The following PIK3CB variants were observed in gnomAD, a reference collection of about 807,000 sequenced individuals.
The protein encoded by PIK3CB is phosphatidylinositol-4,5-bisphosphate 3-kinase catalytic subunit beta.
Under a neutral mutation model 136.8 loss-of-function variants are expected in PIK3CB, and 39 were observed. The ratio of observed to expected loss-of-function variants is 0.29; its 90% confidence interval spans 0.22 to 0.37. The LOEUF is 0.37. Among genes scored for constraint, PIK3CB ranks in the 10% least tolerant of loss-of-function variants. The pLI is 1.00. For missense variants in PIK3CB, 868 were observed against 1,275.4 expected, an observed-to-expected ratio of 0.68 and a Z score of 4.87; for synonymous variants, 428 against 436.6, an observed-to-expected ratio of 0.98 and a Z score of 0.25.
rs1391845209 is a variant in PIK3CB at position 138,682,057 on chromosome 3, C to G, written c.2426-12G>C. The stretch of plus-strand genomic sequence containing the variant: ...ATCCTGTCGTAAATCTAAGGGAAAA[C>G]AAACTGCTTCATTACAAGTGCTTTT... On this transcript the variant is annotated splice_polypyrimidine_tract_variant and intron_variant, in intron 18 of 23. Coordinates refer to ENST00000674063, the MANE Select transcript of PIK3CB (RefSeq NM_006219.3). The G allele has an allele frequency of 6.4e-7, 1 of 1,564,458 alleles. No homozygotes were observed. Among genetic ancestry groups the G allele is most frequent in the African/African-American group, 1.4e-5 (1 of 73,562 alleles).
intron 1 of PIK3CB, among the ~76,000 whole-genome samples, chr3:138,834,311 T>A (rs1934173010): frequency 6.6e-6 from 1 of 152,374 alleles, no homozygotes; most frequent in African/African-American, 2.4e-5. Context: ...AAAAGGCACC[T>A]GAGGGTCGGG....
At chr3:138,828,487 ATTAG>A (rs895015907) in intron 1 of PIK3CB, among the ~76,000 whole-genome samples, 3 of 152,008 alleles carry the variant, frequency 2.0e-5, no homozygotes, top group East Asian at 1.9e-4. Flanking sequence ...GCCCAGCCCC[ATTAG>A]TTAAATTTTC....
intron 6 of PIK3CB, among the ~76,000 whole-genome samples, chr3:138,736,751 TAA>T (rs1214023271): frequency 7.9e-5 from 12 of 152,054 alleles, no homozygotes; most frequent in Non-Finnish European, 1.8e-4. Flanking sequence ...TAAATGAAAA[TAA>T]ATAAATACCC....
intron 17 of PIK3CB, among the ~76,000 whole-genome samples, chr3:138,684,365 A>G (rs1301375859): frequency 6.6e-6 from 1 of 152,238 alleles, no homozygotes; most frequent in Non-Finnish European, 1.5e-5. Flanking sequence ...AAAAATCAGT[A>G]ATATAGAAAA....
intron 2 of PIK3CB, among the ~76,000 whole-genome samples, chr3:138,762,599 T>C (rs1008488458): frequency 1.1e-4 from 17 of 152,204 alleles, no homozygotes; most frequent in East Asian, 9.6e-4. Flanking sequence ...CTTCTCAATC[T>C]TGCAAGTAAT....
At chr3:138,694,976 AG>A (rs1322301808) in intron 13 of PIK3CB, 69 bp from the exon 14 acceptor site, 37 of 1,466,740 alleles carry the variant, frequency 2.5e-5, no homozygotes, top group Non-Finnish European at 3.3e-5. Context: ...CTTGACACAC[AG>A]GAGCACCAAG....
intron 1 of PIK3CB, among the ~76,000 whole-genome samples, chr3:138,800,260 A>ATTC (rs2046157294): frequency 6.6e-6 from 1 of 152,088 alleles, no homozygotes; most frequent in Non-Finnish European, 1.5e-5. Flanking sequence ...AATACTCACA[A>ATTC]TTCTCATTTA....
At chr3:138,732,022 A>G (rs907509411) in intron 8 of PIK3CB, among the ~76,000 whole-genome samples, 3 of 152,092 alleles carry the variant, frequency 2.0e-5, no homozygotes, top group African/African-American at 7.2e-5. Flanking sequence ...ATATAAAAGC[A>G]AAGCCTTTAT....
intron 11 of PIK3CB, among the ~76,000 whole-genome samples, chr3:138,705,197 A>AAAAAAAAAAAAT (rs1313585582): frequency 7.0e-6 from 1 of 142,190 alleles, no homozygotes. Context: ...AAACAAAAAA[A>AAAAAAAAAAAAT]AAAACTTATA....
chr3:138,801,366 A>G (rs966055331), intron 1 of PIK3CB, among the ~76,000 whole-genome samples: 2 of 152,128 alleles, frequency 1.3e-5, no homozygotes, highest in East Asian at 3.9e-4. Context: ...CGCCATTATC[A>G]ATGCATTAAA....
intron 2 of PIK3CB, among the ~76,000 whole-genome samples, chr3:138,766,675 T>A (rs1452362479): frequency 6.6e-6 from 1 of 152,204 alleles, no homozygotes; most frequent in Non-Finnish European, 1.5e-5. Context: ...AATTCCCCTA[T>A]CTACAATTTC....
chr3:138,793,193 T>C (rs999708621), intron 2 of PIK3CB, among the ~76,000 whole-genome samples: 1 of 152,194 alleles, frequency 6.6e-6, no homozygotes, highest in Non-Finnish European at 1.5e-5. Flanking sequence ...AATTGTAATG[T>C]GATATGAAAA....
At chr3:138,828,006 C>CA (rs1007339461) in intron 1 of PIK3CB, among the ~76,000 whole-genome samples, 1 of 150,864 alleles carries the variant, frequency 6.6e-6, no homozygotes, top group African/African-American at 2.4e-5. Context: ...CAAAACAAAA[C>CA]AAAAAAAGGT....
At chr3:138,809,782 C>T (rs895874697) in intron 1 of PIK3CB, among the ~76,000 whole-genome samples, 3 of 152,080 alleles carry the variant, frequency 2.0e-5, no homozygotes, top group Admixed American at 6.6e-5. Flanking sequence ...TATAGACATA[C>T]GTATATAGTA....
intron 8 of PIK3CB, among the ~76,000 whole-genome samples, chr3:138,731,241 A>C (rs1371418840): frequency 6.6e-6 from 1 of 151,966 alleles, no homozygotes; most frequent in African/African-American, 2.4e-5. Context: ...TCATGTTTGC[A>C]CTTTTTCTTT....
chr3:138,673,034 T>C (rs1036855436), intron 19 of PIK3CB, among the ~76,000 whole-genome samples: 5 of 147,956 alleles, frequency 3.4e-5, no homozygotes, highest in Non-Finnish European at 7.5e-5. Flanking sequence ...TGGAAAAGAA[T>C]AGGAAATTAC....
intron 5 of PIK3CB, among the ~76,000 whole-genome samples, chr3:138,739,712 C>A (rs2045198407): frequency 6.6e-6 from 1 of 150,564 alleles, no homozygotes; most frequent in South Asian, 2.1e-4. Flanking sequence ...ACCAGCCTGG[C>A]AAACACGGTG....
At chr3:138,793,324 C>T (rs751747862) in intron 2 of PIK3CB, among the ~76,000 whole-genome samples, 7 of 152,130 alleles carry the variant, frequency 4.6e-5, no homozygotes, top group Non-Finnish European at 1.0e-4. Flanking sequence ...GTTTAAACCT[C>T]GCTGGGCATG....
rs535108573 is a variant in PIK3CB at position 138,811,684 on chromosome 3, G to A, written c.-121-15117C>T. ...CATGATCCGCCCGCCTCGGCCTCCC[G>A]AAGTGCTGGGATTACAGGTGTGAGC... On this transcript the variant is annotated intron_variant, in intron 1 of 23. Coordinates refer to ENST00000674063, the MANE Select transcript of PIK3CB (RefSeq NM_006219.3). Among the ~76,000 whole-genome samples the A allele has an allele frequency of 3.8e-3, 577 of 152,020 alleles. 5 individuals carry two copies. The highest frequency in any genetic ancestry group is 0.013 in the African/African-American group (551 of 41,482).
Sources: gnomAD v4.1 joint callset for allele counts (sites outside exome capture counted in the v4.1 genomes callset) on GRCh38, gnomAD v4.1.1 for gene constraint, MANE v1.5 for transcripts, NCBI Gene and HGNC (gene_info 2026-07-23, HGNC 2026-07-21) for gene names.